Variants in RCL1 observed in about 807,000 individuals in gnomAD.
RCL1 encodes the protein RNA terminal phosphate cyclase like 1.
In RCL1, 24 loss-of-function variants were observed where a neutral mutation model predicts 42.4. The ratio of observed to expected loss-of-function variants is 0.57; its 90% CI spans 0.41 to 0.80. The LOEUF is 0.80. Ranked by LOEUF, RCL1 falls within the 30% of genes least tolerant of loss-of-function variation. RCL1 has a pLI of 0.00. For missense variants in RCL1, 578 were observed against 467.9 expected (o/e 1.24, Z -2.17); for synonymous variants, 228 against 177.3 (o/e 1.29, Z -2.27).
rs559085099 is a variant in RCL1 at position 4,833,086 on chromosome 9, G to A, written c.385-68G>A. 1.1e-5 allele frequency: 12 copies of A among 1,104,148 alleles called. No homozygotes were observed. The East Asian group carries it at 2.4e-4, about 22-fold the overall frequency. The allele number at this position is 1,104,148 out of a possible 1,614,324, so 68.4% of individuals were successfully genotyped here. The stretch of plus-strand genomic sequence containing the variant: ...TCTACCTGGTTGCTAAGCCTTACTT[G>A]TTTTTTTTGACTCTTGTATTCTGCT... On this transcript the variant is annotated intron_variant, in intron 3 of 8. Transcript: ENST00000381750.
chr9:4,814,372 C>T (rs1333994466), intron 1 of RCL1, among the ~76,000 whole-genome samples: 1 of 152,084 alleles, frequency 6.6e-6, no homozygotes, highest in Non-Finnish European at 1.5e-5. Flanking sequence ...CAACCTTGAA[C>T]TCCTGGGCTC....
intron 2 of RCL1, among the ~76,000 whole-genome samples, chr9:4,826,290 G>C (rs908137557): frequency 4.6e-5 from 7 of 151,916 alleles, no homozygotes; most frequent in African/African-American, 1.7e-4. Flanking sequence ...TGTGAGAAGT[G>C]AATAAAGATA....
intron 3 of RCL1, 104 bp downstream of exon 3, chr9:4,827,137 G>A (rs1270999203): frequency 1.3e-6 from 2 of 1,565,734 alleles, no homozygotes; most frequent in East Asian, 2.4e-5. Flanking sequence ...TATTACAAAT[G>A]TATATTGCTT....
Position 4,805,452 on chromosome 9 carries a change from AGATCCTTCTTTG to A in RCL1, c.136+12242_136+12253del, listed in dbSNP as rs535137623. 1.6e-3 allele frequency among the ~76,000 whole-genome samples: 250 copies of A among 152,288 alleles called. 1 individual carries two copies. The highest frequency in any genetic ancestry group is 3.8e-3 in the Admixed American group (58 of 15,292). On this transcript the variant is annotated intron_variant, in intron 1 of 8. Coordinates refer to ENST00000381750, the MANE Select transcript of RCL1 (RefSeq NM_005772.5). ...AAACCAAAAAACCCCAAATTTCCAG[AGATCCTTCTTTG>A]GATCCTTCTTTGGATCAAATATTAG...
rs1055915478 is a variant in RCL1, at chr9:4,840,910, G to A, written c.585-322G>A. ...GGGAGCCTGGATCATGACCCGCAGA[G>A]AGGCAGGTGTCTTTACACCTTCCAA... On this transcript the variant is annotated intron_variant, in intron 5 of 8. Coordinates refer to ENST00000381750, the MANE Select transcript of RCL1 (RefSeq NM_005772.5). 6.6e-5 allele frequency among the ~76,000 whole-genome samples: 10 copies of A among 152,106 alleles called. No individual in the cohort carries two copies. The East Asian group carries it at 1.9e-3, about 29-fold the overall frequency.
At chr9:4,820,464 C>G (rs1035887938) in intron 1 of RCL1, among the ~76,000 whole-genome samples, 19 of 152,162 alleles carry the variant, frequency 1.2e-4, no homozygotes, top group African/African-American at 4.6e-4. Context: ...GCCTGGAGTT[C>G]TCTTTATGCC....
At chr9:4,829,755 G>T (rs756253010) in intron 3 of RCL1, among the ~76,000 whole-genome samples, 1 of 152,152 alleles carries the variant, frequency 6.6e-6, no homozygotes, top group African/African-American at 2.4e-5. Context: ...ATCTGAATTG[G>T]TTGTTCATGT....
chr9:4,816,670 A>G (rs967291106), intron 1 of RCL1, among the ~76,000 whole-genome samples: 2 of 152,178 alleles, frequency 1.3e-5, no homozygotes, highest in Non-Finnish European at 2.9e-5. Flanking sequence ...TAAGAATAAC[A>G]TACTTTCTGA....
intron 7 of RCL1, among the ~76,000 whole-genome samples, chr9:4,846,920 C>T (rs1334815932): frequency 1.5e-5 from 1 of 67,232 alleles, no homozygotes; most frequent in African/African-American, 6.1e-5. Flanking sequence ...AAGAGTCTCA[C>T]TCTTTCCCAG....
At chr9:4,805,127 G>T (rs577073425) in intron 1 of RCL1, among the ~76,000 whole-genome samples, 2 of 152,290 alleles carry the variant, frequency 1.3e-5, no homozygotes, top group East Asian at 3.9e-4. Context: ...CCAATGAAGA[G>T]GGGATAGAAA....
At chr9:4,845,852 A>G (rs1817493070) in intron 7 of RCL1, among the ~76,000 whole-genome samples, 1 of 152,122 alleles carries the variant, frequency 6.6e-6, no homozygotes, top group East Asian at 1.9e-4. Context: ...AGCTGAAGAG[A>G]CTTCTTTCTT....
Position 4,833,178 on chromosome 9 carries a change from C to T in RCL1, c.409C>T (p.Leu137Phe), listed in dbSNP as rs554625134. Residue 137 changes from leucine to phenylalanine, a missense_variant, in exon 4 of 9, where the codon CTC (leucine) becomes TTC (phenylalanine). Coordinates refer to ENST00000381750, the MANE Select transcript of RCL1 (RefSeq NM_005772.5). ...PSVDVLKATALPLLKQFGIDG... is the reference protein window; with the variant it reads ...PSVDVLKATAFPLLKQFGIDG... ...GGTTGATGTTCTTAAGGCAACAGCA[C>T]TCCCTTTGTTGAAACAATTTGGGAT... 21 of 1,612,788 alleles carry T rather than the reference C, an allele frequency of 1.3e-5. No homozygotes were observed. In the South Asian group the frequency reaches 2.1e-4, roughly 16 times the overall value.
intron 6 of RCL1, among the ~76,000 whole-genome samples, chr9:4,841,744 G>A (rs1457979329): frequency 1.3e-5 from 2 of 152,170 alleles, no homozygotes; most frequent in Non-Finnish European, 2.9e-5. Flanking sequence ...GTGTAAGTCA[G>A]CATCTCTCTT....
chr9:4,848,347 C>A (rs1423516990), intron 7 of RCL1, among the ~76,000 whole-genome samples: 1 of 152,144 alleles, frequency 6.6e-6, no homozygotes, highest in Non-Finnish European at 1.5e-5. Flanking sequence ...TCCTTATTTC[C>A]TTCACCATTA....
chr9:4,827,105 A>C, intron 3 of RCL1, 72 bp downstream of exon 3: 1 of 1,601,680 alleles, frequency 6.2e-7, no homozygotes, highest in African/African-American at 1.3e-5. Context: ...GTGAGAAAAA[A>C]GTTCCTTATA....
chr9:4,801,347 C>G (rs1370025476), intron 1 of RCL1, among the ~76,000 whole-genome samples: 1 of 151,926 alleles, frequency 6.6e-6, no homozygotes, highest in Non-Finnish European at 1.5e-5. Flanking sequence ...AATATTTTAA[C>G]TTTTTGTAGA....
intron 5 of RCL1, among the ~76,000 whole-genome samples, chr9:4,836,190 T>C (rs571447248): frequency 3.4e-4 from 52 of 152,334 alleles, no homozygotes; most frequent in Non-Finnish European, 5.6e-4. Context: ...TGCATGGCCA[T>C]GTGGCTATAT....
chr9:4,845,028 A>AC (rs1183202842), intron 7 of RCL1, among the ~76,000 whole-genome samples: 2 of 152,016 alleles, frequency 1.3e-5, no homozygotes, highest in Admixed American at 6.5e-5. Context: ...CCATCCCGGC[A>AC]CCCCCCGATT....
intron 1 of RCL1, among the ~76,000 whole-genome samples, chr9:4,801,269 G>A (rs148555320): frequency 4.6e-5 from 7 of 152,154 alleles, no homozygotes; most frequent in East Asian, 1.9e-4. Flanking sequence ...CTTCCTGGGC[G>A]TAAGCAAATC....
Sources: allele counts gnomAD v4.1 joint callset (sites outside exome capture counted in the v4.1 genomes callset), GRCh38; gene constraint gnomAD v4.1.1; transcripts MANE v1.5; gene names NCBI Gene and HGNC (gene_info 2026-07-23, HGNC 2026-07-21).